Variants in ITGBL1 observed in about 807,000 individuals in gnomAD.
ITGBL1 encodes the protein integrin beta-like protein 1.
In ITGBL1, 51 loss-of-function variants were observed where a neutral mutation model predicts 68.5. The observed-to-expected ratio is 0.74, with a 90% CI of 0.59 to 0.94. ITGBL1 has a LOEUF of 0.94. Among genes scored for constraint, ITGBL1 ranks in the 40% least tolerant of loss-of-function variants. ITGBL1 has a pLI of 0.00. For missense variants in ITGBL1, 649 were observed against 647.4 expected (o/e 1.00, Z -0.03); for synonymous variants, 209 against 227.3 (o/e 0.92, Z 0.72).
Position 101,531,696 on chromosome 13 carries a change from TTTTG to T in ITGBL1, c.317-36000_317-35997del, listed in dbSNP as rs1227963990. On this transcript the variant is annotated intron_variant, in intron 2 of 10. Transcript: ENST00000376180. Reference sequence around the variant, plus strand: ...TTTCTTGAAGGTTTTATTTTTTTTATTTTGTTATTTATTTATTTATTTATTTATT... The same window carrying T: ...TTTCTTGAAGGTTTTATTTTTTTTATTTATTTATTTATTTATTTATTTATT... Among the ~76,000 whole-genome samples the T allele has an allele frequency of 2.3e-5, 3 of 132,444 alleles. No homozygotes were observed. The South Asian group carries it at 7.8e-4, about 35-fold the overall frequency. 86.9% of individuals were successfully genotyped at this position (132,444 alleles called of 152,430 possible). A position where few individuals can be genotyped will look rare whatever the true frequency, so the allele number is the denominator to read the frequency against.
Position 101,612,868 on chromosome 13 carries a change from C to A in ITGBL1, c.1015+14569C>A, listed in dbSNP as rs146806878. Among the ~76,000 whole-genome samples the A allele has an allele frequency of 2.0e-5, 3 of 152,162 alleles. No homozygotes were observed. The East Asian group carries it at 5.8e-4, about 29-fold the overall frequency. On this transcript the variant is annotated intron_variant, in intron 7 of 10. Transcript: ENST00000376180. ...TATTAACAGGCATCAGTTTCTTGTT[C>A]GGGTAGAAAGACACACATGCTGCCA...
chr13:101,674,988 G>C (rs1007261201), intron 7 of ITGBL1, among the ~76,000 whole-genome samples: 1 of 151,876 alleles, frequency 6.6e-6, no homozygotes, highest in African/African-American at 2.4e-5. Context: ...GGCTCCTCTG[G>C]TCACAACTTC....
At chr13:101,519,012 C>A (rs1433088267) in intron 2 of ITGBL1, among the ~76,000 whole-genome samples, 2 of 152,244 alleles carry the variant, frequency 1.3e-5, no homozygotes, top group East Asian at 3.9e-4. Context: ...GTTGTAAAGA[C>A]AGATACATGC....
At chr13:101,681,225 A>C (rs988505751) in intron 7 of ITGBL1, among the ~76,000 whole-genome samples, 1 of 152,108 alleles carries the variant, frequency 6.6e-6, no homozygotes, top group Non-Finnish European at 1.5e-5. Flanking sequence ...AGTATTCTTC[A>C]GCGGAACACT....
At chr13:101,537,319 T>C (rs77971352) in intron 2 of ITGBL1, among the ~76,000 whole-genome samples, 1,777 of 152,134 alleles carry the variant, frequency 0.012, 35 homozygotes, top group African/African-American at 0.04. Flanking sequence ...TTTGGTCAAG[T>C]AACTTAGGAA....
chr13:101,673,516 G>T, intron 7 of ITGBL1, among the ~76,000 whole-genome samples: 1 of 152,206 alleles, frequency 6.6e-6, no homozygotes, highest in East Asian at 1.9e-4. Flanking sequence ...TGGGCAAGTT[G>T]TGATGCAAAT....
chr13:101,660,910 A>G (rs1440560096), intron 7 of ITGBL1, among the ~76,000 whole-genome samples: 1 of 152,144 alleles, frequency 6.6e-6, no homozygotes, highest in Non-Finnish European at 1.5e-5. Context: ...GAGAAACACA[A>G]AACACTGCTC....
chr13:101,508,697 C>G (rs529485915), intron 2 of ITGBL1, among the ~76,000 whole-genome samples: 5 of 152,150 alleles, frequency 3.3e-5, no homozygotes, highest in Non-Finnish European at 5.9e-5. Context: ...TGTTAGAAGT[C>G]TTACATTTAT....
In ITGBL1 at chr13:101,692,670, C is replaced by G; in HGVS notation, c.1101C>G (p.Arg367=). 6.2e-7 allele frequency: 1 copy of G among 1,613,446 alleles called. No individual in the cohort carries two copies. Among genetic ancestry groups the G allele is most frequent in the Non-Finnish European group, 8.5e-7 (1 of 1,179,440 alleles). ...YGKTCECDDR[R]CEDLDGVVCG... ...AGACTTGTGAGTGTGATGATCGCCG[C>G]TGTGAAGACCTCGATGGTGTGGTCT... The change falls in exon 8 of 11, where the codon CGC becomes CGG. Residue 367 remains arginine (R), a synonymous_variant. Transcript: ENST00000376180.
chr13:101,547,909 GTATA>G (rs34555687), intron 2 of ITGBL1, among the ~76,000 whole-genome samples: 9 of 149,668 alleles, frequency 6.0e-5, no homozygotes, highest in Admixed American at 3.3e-4. Flanking sequence ...CTGTGTGTGT[GTATA>G]TATATATATG....
At position 101,688,912 on chromosome 13, in the gene ITGBL1, A is replaced by C. The variant is rs2033816250; in HGVS notation, c.1016-3673A>C. On this transcript the variant is annotated intron_variant, in intron 7 of 10. Coordinates refer to ENST00000376180, the MANE Select transcript of ITGBL1 (RefSeq NM_004791.3). The stretch of plus-strand genomic sequence containing the variant: ...TCAATAAATATTGATTCAAAACATT[A>C]TGATTGCCGGGCATAGTGGCTCACA... Among the ~76,000 whole-genome samples, 3 of 152,028 alleles carry C rather than the reference A, an allele frequency of 2.0e-5. No homozygotes were observed. In the South Asian group the frequency reaches 6.2e-4, roughly 31 times the overall value.
chr13:101,597,263 C>T (rs572983764), intron 6 of ITGBL1, among the ~76,000 whole-genome samples: 3 of 152,138 alleles, frequency 2.0e-5, no homozygotes, highest in Admixed American at 1.3e-4. Context: ...AATATGTACT[C>T]TCTCTGATAT....
intron 7 of ITGBL1, among the ~76,000 whole-genome samples, chr13:101,649,304 T>C (rs2032668488): frequency 6.6e-6 from 1 of 152,146 alleles, no homozygotes; most frequent in Admixed American, 6.5e-5. Flanking sequence ...TTCCTATTAT[T>C]TGTGAGGAGG....
intron 6 of ITGBL1, among the ~76,000 whole-genome samples, chr13:101,596,865 G>A (rs2030003881): frequency 6.6e-6 from 1 of 152,100 alleles, no homozygotes; most frequent in African/African-American, 2.4e-5. Flanking sequence ...TAAGGAAAAG[G>A]CAAAATTATG....
chr13:101,616,415 C>T (rs1326800124), intron 7 of ITGBL1, among the ~76,000 whole-genome samples: 1 of 152,270 alleles, frequency 6.6e-6, no homozygotes, highest in East Asian at 1.9e-4. Context: ...ATAAAACTTT[C>T]CTTCTGTGGT....
At chr13:101,625,137 T>A (rs2139395940) in intron 7 of ITGBL1, among the ~76,000 whole-genome samples, 1 of 152,300 alleles carries the variant, frequency 6.6e-6, no homozygotes, top group African/African-American at 2.4e-5. Flanking sequence ...TTTTACCAGA[T>A]GAAAGGTTGT....
chr13:101,671,562 C>T (rs2033374700), intron 7 of ITGBL1, among the ~76,000 whole-genome samples: 1 of 149,842 alleles, frequency 6.7e-6, no homozygotes. Flanking sequence ...CCTCAGCCTC[C>T]CGAGTAGCTG....
At chr13:101,507,620 C>G (rs952794679) in intron 2 of ITGBL1, among the ~76,000 whole-genome samples, 4 of 152,070 alleles carry the variant, frequency 2.6e-5, no homozygotes. Context: ...TTGCATACAC[C>G]ATTTTTATAC....
At chr13:101,498,043 G>C (rs1239167849) in intron 2 of ITGBL1, among the ~76,000 whole-genome samples, 2 of 152,068 alleles carry the variant, frequency 1.3e-5, no homozygotes, top group Non-Finnish European at 2.9e-5. Flanking sequence ...CACTCAGTAA[G>C]GTTTTCCATT....
Sources: gnomAD v4.1 joint callset for allele counts (sites outside exome capture counted in the v4.1 genomes callset) on GRCh38, gnomAD v4.1.1 for gene constraint, MANE v1.5 for transcripts, NCBI Gene and HGNC (gene_info 2026-07-23, HGNC 2026-07-21) for gene names.